Variants in NELL1 observed in about 807,000 individuals in gnomAD.
The protein encoded by NELL1 is protein kinase C-binding protein NELL1.
Under a neutral mutation model 107.4 loss-of-function variants are expected in NELL1, and 76 were observed. The ratio of observed to expected loss-of-function variants is 0.71; its 90% confidence interval spans 0.59 to 0.86. The LOEUF is 0.86. Among genes scored for constraint, NELL1 ranks in the 40% least tolerant of loss-of-function variants. The pLI, the probability that NELL1 is intolerant of heterozygous loss-of-function variation, is 0.00. For missense variants in NELL1, 1,024 were observed against 1,005.5 expected (o/e 1.02, Z -0.25); for synonymous variants, 353 against 341.2 (o/e 1.03, Z -0.38).
intron 15 of NELL1, among the ~76,000 whole-genome samples, chr11:21,434,202 C>T (rs1260657330): frequency 6.6e-6 from 1 of 151,808 alleles, no homozygotes; most frequent in Non-Finnish European, 1.5e-5. Context: ...TTGATATAGC[C>T]CCATTTGCCT....
intron 5 of NELL1, among the ~76,000 whole-genome samples, chr11:20,898,316 G>A (rs1226190884): frequency 1.3e-5 from 2 of 151,866 alleles, no homozygotes; most frequent in Admixed American, 6.6e-5. Context: ...AAACTATTGC[G>A]AGGACAAAAA....
At position 20,847,685 on chromosome 11, in the gene NELL1, T is replaced by C. The variant is rs187846773; in HGVS notation, c.438T>C (p.Asp146=). 2 of 1,613,790 alleles carry C rather than the reference T, an allele frequency of 1.2e-6. No homozygotes were observed. The highest frequency in any genetic ancestry group is 2.7e-5 in the African/African-American group (2 of 75,050). The change falls in exon 4 of 20, where the codon GAT becomes GAC. Residue 146 remains aspartate, a synonymous_variant. Coordinates refer to ENST00000357134, the MANE Select transcript of NELL1 (RefSeq NM_006157.5). ...RTEALPYRMA[D]GQWHKVALSV... ...AGGCACTTCCTTACCGCATGGCAGA[T>C]GGACAATGGCACAAGGTTGCACTGT...
chr11:20,783,952 T>G (rs1455825785), intron 3 of NELL1, 122 bp downstream of exon 3: 1 of 877,126 alleles, frequency 1.1e-6, no homozygotes, highest in African/African-American at 1.7e-5. Flanking sequence ...TCATTTCTGT[T>G]GAACACATTC....
At chr11:20,987,286 G>A (rs1221592849) in intron 12 of NELL1, among the ~76,000 whole-genome samples, 1 of 152,040 alleles carries the variant, frequency 6.6e-6, no homozygotes, top group Non-Finnish European at 1.5e-5. Flanking sequence ...ACACATCATG[G>A]GCTCTGGAGA....
intron 14 of NELL1, among the ~76,000 whole-genome samples, chr11:21,255,803 C>T (rs370989645): frequency 1.3e-5 from 2 of 152,062 alleles, no homozygotes; most frequent in East Asian, 3.9e-4. Context: ...TCACTTTTTA[C>T]TCTTCTCACT....
chr11:21,305,797 ATTT>A (rs1849593049), intron 14 of NELL1, among the ~76,000 whole-genome samples: 1 of 151,996 alleles, frequency 6.6e-6, no homozygotes. Context: ...ATATTATTCT[ATTT>A]TGAACAATTA....
At chr11:21,409,488 G>A (rs1286599097) in intron 15 of NELL1, among the ~76,000 whole-genome samples, 2 of 151,738 alleles carry the variant, frequency 1.3e-5, no homozygotes, top group African/African-American at 4.8e-5. Flanking sequence ...GCTAAATGAC[G>A]AGTTAATGGG....
intron 15 of NELL1, among the ~76,000 whole-genome samples, chr11:21,413,176 A>G (rs762625052): frequency 2.0e-5 from 3 of 152,144 alleles, no homozygotes; most frequent in Non-Finnish European, 2.9e-5. Context: ...TCTCAGTATC[A>G]GTATCACGAT....
At chr11:21,159,462 C>T (rs1856314564) in intron 13 of NELL1, among the ~76,000 whole-genome samples, 1 of 152,220 alleles carries the variant, frequency 6.6e-6, no homozygotes, top group Admixed American at 6.5e-5. Flanking sequence ...TGCTGCTGCA[C>T]TTGAATACTT....
At chr11:21,261,673 AT>A (rs1460141739) in intron 14 of NELL1, among the ~76,000 whole-genome samples, 2 of 151,880 alleles carry the variant, frequency 1.3e-5, no homozygotes, top group African/African-American at 2.4e-5. Flanking sequence ...CAATCTGCTA[AT>A]TTTTAACCTT....
At chr11:21,130,881 C>G (rs986181556) in intron 13 of NELL1, among the ~76,000 whole-genome samples, 3 of 151,178 alleles carry the variant, frequency 2.0e-5, no homozygotes, top group Non-Finnish European at 4.4e-5. Flanking sequence ...CTAATGGTGT[C>G]ATCTTGTCAC....
chr11:21,190,438 A>G (rs145722142), intron 13 of NELL1, among the ~76,000 whole-genome samples: 2 of 152,012 alleles, frequency 1.3e-5, no homozygotes, highest in East Asian at 3.9e-4. Flanking sequence ...GGCCTTAGTC[A>G]TCCAGACACT....
At chr11:21,563,336 A>C (rs1461170648) in intron 17 of NELL1, among the ~76,000 whole-genome samples, 1 of 152,068 alleles carries the variant, frequency 6.6e-6, no homozygotes, top group African/African-American at 2.4e-5. Context: ...TAGTGTGAGT[A>C]GTTGTGTTTA....
chr11:21,207,376 G>T (rs1333835255), intron 13 of NELL1, among the ~76,000 whole-genome samples: 5 of 152,122 alleles, frequency 3.3e-5, no homozygotes, highest in Admixed American at 6.6e-5. Flanking sequence ...TTGAACTGAG[G>T]TTCTTTCTCT....
chr11:20,950,127 A>G (rs950623779), intron 11 of NELL1, among the ~76,000 whole-genome samples: 11 of 152,088 alleles, frequency 7.2e-5, no homozygotes, highest in African/African-American at 2.4e-4. Context: ...CTCTGAAGTA[A>G]AGGAGGCAGC....
chr11:20,862,599 C>T (rs1357911341), intron 4 of NELL1, among the ~76,000 whole-genome samples: 1 of 123,726 alleles, frequency 8.1e-6, no homozygotes, highest in Non-Finnish European at 1.7e-5. Flanking sequence ...ATCTTTTGAG[C>T]TGCTGCTTTT....
chr11:20,774,788 A>T (rs1323783064), intron 2 of NELL1, among the ~76,000 whole-genome samples: 1 of 152,146 alleles, frequency 6.6e-6, no homozygotes, highest in Non-Finnish European at 1.5e-5. Context: ...CATCGAGAGC[A>T]TCTCTTGCTG....
chr11:20,890,038 C>G (rs1454608151), intron 5 of NELL1, among the ~76,000 whole-genome samples: 1 of 152,176 alleles, frequency 6.6e-6, no homozygotes, highest in African/African-American at 2.4e-5. Flanking sequence ...CTCCCTGTGC[C>G]ACCCAACTGA....
chr11:20,849,078 C>G (rs1848750970), intron 4 of NELL1, among the ~76,000 whole-genome samples: 1 of 152,118 alleles, frequency 6.6e-6, no homozygotes, highest in Non-Finnish European at 1.5e-5. Flanking sequence ...CTCATTGCCC[C>G]CTTCAATTCT....
Sources: gnomAD v4.1 joint callset for allele counts (sites outside exome capture counted in the v4.1 genomes callset) on GRCh38, gnomAD v4.1.1 for gene constraint, MANE v1.5 for transcripts, NCBI Gene and HGNC (gene_info 2026-07-23, HGNC 2026-07-21) for gene names.